The following GABRG3 variants were observed in gnomAD, a reference collection of about 807,000 sequenced individuals.
GABRG3 encodes gamma-aminobutyric acid receptor subunit gamma-3.
In GABRG3, 25 loss-of-function variants were observed where a neutral mutation model predicts 48.8. The observed-to-expected ratio is 0.51, with a 90% CI of 0.37 to 0.72. The LOEUF (loss-of-function observed/expected upper bound fraction) is 0.72, where lower values mean the gene tolerates loss of function less well. GABRG3 is among the 30% of genes least tolerant of loss of function. GABRG3 has a pLI of 0.00. For missense variants in GABRG3, 394 were observed against 577.9 expected, an observed-to-expected ratio of 0.68 and a Z score of 3.26; for synonymous variants, 227 against 217.6, an observed-to-expected ratio of 1.04 and a Z score of -0.38.
intron 2 of GABRG3, among the ~76,000 whole-genome samples, chr15:27,002,763 AGG>A (rs1555397355): frequency 8.8e-4 from 107 of 120,962 alleles, no homozygotes; most frequent in African/African-American, 2.3e-3. Flanking sequence ...AAAAAAAAAA[AGG>A]AAGGAAGGAA....
rs1470515891 is a variant in GABRG3, at chr15:27,527,470, C to T, written c.903C>T (p.Thr301=). ...TTVLTMTTLS[T]IARKSLPRVS... ...TGCTGACCATGACCACCCTGAGCAC[C>T]ATCGCCAGGAAGTCCTTGCCACGCG... The change falls in exon 8 of 10, where the codon ACC becomes ACT. Residue 301 remains threonine, a synonymous_variant. Coordinates refer to ENST00000615808, the MANE Select transcript of GABRG3 (RefSeq NM_033223.5). The T allele has an allele frequency of 1.2e-6, 2 of 1,613,812 alleles. No homozygotes were observed. Among genetic ancestry groups the T allele is most frequent in the African/African-American group, 2.7e-5 (2 of 74,894 alleles).
chr15:27,435,795 C>T (rs1026670214), intron 5 of GABRG3, among the ~76,000 whole-genome samples: 1 of 152,144 alleles, frequency 6.6e-6, no homozygotes, highest in Non-Finnish European at 1.5e-5. Context: ...GTCCATTAGC[C>T]ATTCTTTAAA....
intron 3 of GABRG3, among the ~76,000 whole-genome samples, chr15:27,325,917 TAACAAA>T (rs1274733617): frequency 2.0e-5 from 3 of 152,194 alleles, no homozygotes; most frequent in African/African-American, 7.2e-5. Flanking sequence ...ATCTAATACA[TAACAAA>T]AATTATGCAA....
At chr15:27,171,179 A>G (rs1566953823) in intron 3 of GABRG3, among the ~76,000 whole-genome samples, 1 of 152,196 alleles carries the variant, frequency 6.6e-6, no homozygotes, top group Non-Finnish European at 1.5e-5. Flanking sequence ...GTTTCTGCTA[A>G]AATATAGTCT....
Position 26,971,444 on chromosome 15 carries a change from G to A in GABRG3, c.-92G>A. 2 of 1,109,344 alleles carry A rather than the reference G, an allele frequency of 1.8e-6. No homozygotes were observed. The highest frequency in any genetic ancestry group is 2.4e-6 in the Non-Finnish European group (2 of 821,920). The allele number at this position is 1,109,344 out of a possible 1,614,324, so 68.7% of individuals were successfully genotyped here. A position where few individuals can be genotyped will look rare whatever the true frequency, so the allele number is the denominator to read the frequency against. On this transcript the variant is annotated 5_prime_UTR_variant, in exon 1 of 10. Coordinates refer to ENST00000615808, the MANE Select transcript of GABRG3 (RefSeq NM_033223.5). ...CGGCCAGCAGCCTCGGAGGAAGCCA[G>A]GGCAAAGAGGGCCGGCGGAGACCAG...
rs116354871 is a variant in GABRG3, at chr15:27,293,694, A to C, written c.271-33115A>C. Among the ~76,000 whole-genome samples, 762 of 151,552 alleles carry C rather than the reference A, an allele frequency of 5.0e-3. 9 individuals carry two copies. The highest frequency in any genetic ancestry group is 0.014 in the East Asian group (73 of 5,174). ...TTCTGTCTCAAAAAAAACAAACAAA[A>C]AAAAAAACAGAACAAAACTGGAGAG... is the stretch of plus-strand genomic sequence containing the variant. On this transcript the variant is annotated intron_variant, in intron 3 of 9. Transcript: ENST00000615808.
intron 3 of GABRG3, among the ~76,000 whole-genome samples, chr15:27,240,412 C>T (rs942967349): frequency 6.6e-5 from 10 of 152,138 alleles, no homozygotes; most frequent in Admixed American, 2.6e-4. Context: ...ATATCGATTT[C>T]TGCAAATGAC....
chr15:27,206,566 C>T (rs1265711710), intron 3 of GABRG3, among the ~76,000 whole-genome samples: 6 of 152,090 alleles, frequency 3.9e-5, no homozygotes, highest in Non-Finnish European at 1.5e-5. Flanking sequence ...CTTTTAGGTC[C>T]ATTTGATCAA....
At chr15:27,038,810 G>C (rs1256777536) in intron 3 of GABRG3, among the ~76,000 whole-genome samples, 1 of 152,152 alleles carries the variant, frequency 6.6e-6, no homozygotes, top group African/African-American at 2.4e-5. Context: ...CAGCAGAAGA[G>C]CTGGAGCTCA....
chr15:26,996,177 A>C (rs1895336648), intron 2 of GABRG3, among the ~76,000 whole-genome samples: 1 of 152,120 alleles, frequency 6.6e-6, no homozygotes, highest in South Asian at 2.1e-4. Flanking sequence ...CTTTTATGAC[A>C]ATCTATGTAA....
At chr15:27,133,782 G>A (rs1897961785) in intron 3 of GABRG3, among the ~76,000 whole-genome samples, 1 of 152,146 alleles carries the variant, frequency 6.6e-6, no homozygotes, top group Non-Finnish European at 1.5e-5. Flanking sequence ...AATGCAATTG[G>A]GCTGTTAACT....
intron 5 of GABRG3, among the ~76,000 whole-genome samples, chr15:27,466,994 A>G (rs1313718286): frequency 6.6e-6 from 1 of 152,232 alleles, no homozygotes; most frequent in African/African-American, 2.4e-5. Context: ...GGCCTGGAAC[A>G]CTGCTGTGCA....
chr15:27,142,780 G>T (rs182667880), intron 3 of GABRG3, among the ~76,000 whole-genome samples: 226 of 147,428 alleles, frequency 1.5e-3, no homozygotes, highest in Non-Finnish European at 2.1e-3. Context: ...TGTTTGCTTG[G>T]TTTTTTTTTT....
chr15:27,111,335 A>C (rs1318791352), intron 3 of GABRG3, among the ~76,000 whole-genome samples: 1 of 152,158 alleles, frequency 6.6e-6, no homozygotes, highest in African/African-American at 2.4e-5. Context: ...TAGTTACTTC[A>C]AATTCCCTGT....
intron 3 of GABRG3, among the ~76,000 whole-genome samples, chr15:27,046,676 C>G (rs1896371111): frequency 6.6e-6 from 1 of 152,190 alleles, no homozygotes; most frequent in African/African-American, 2.4e-5. Flanking sequence ...GTTTCAAAGT[C>G]ACAGCATGTT....
At chr15:27,294,223 CTTT>C (rs1162063750) in intron 3 of GABRG3, among the ~76,000 whole-genome samples, 8 of 129,274 alleles carry the variant, frequency 6.2e-5, no homozygotes, top group Admixed American at 1.6e-4. Context: ...TTTCTTTTTC[CTTT>C]TTTTTTTTTT....
At chr15:27,067,872 C>T (rs1777373470) in intron 3 of GABRG3, among the ~76,000 whole-genome samples, 1 of 152,124 alleles carries the variant, frequency 6.6e-6, no homozygotes, top group Non-Finnish European at 1.5e-5. Context: ...AGCTTTATGC[C>T]TGGATCTGCT....
chr15:27,018,271 T>A (rs1287918476), intron 2 of GABRG3, among the ~76,000 whole-genome samples: 1 of 152,214 alleles, frequency 6.6e-6, no homozygotes, highest in Non-Finnish European at 1.5e-5. Context: ...TATATTCTTA[T>A]CATCAAATCC....
At chr15:27,168,855 C>T (rs1325231645) in intron 3 of GABRG3, among the ~76,000 whole-genome samples, 1 of 152,188 alleles carries the variant, frequency 6.6e-6, no homozygotes, top group African/African-American at 2.4e-5. Flanking sequence ...CCATATTATT[C>T]TGTCATAGCA....
Sources: gnomAD v4.1 joint callset for allele counts (sites outside exome capture counted in the v4.1 genomes callset) on GRCh38, gnomAD v4.1.1 for gene constraint, MANE v1.5 for transcripts, NCBI Gene and HGNC (gene_info 2026-07-23, HGNC 2026-07-21) for gene names.